MDGA2: variants seen among roughly 807,000 people sequenced by gnomAD.
MDGA2 encodes the protein MAM domain containing glycosylphosphatidylinositol anchor 2.
MDGA2 carries 40 observed loss-of-function variants against 117.8 expected under a neutral mutation model. The ratio of observed to expected loss-of-function variants is 0.34; its 90% CI spans 0.26 to 0.44. The LOEUF is 0.44. MDGA2 is among the 20% of genes least tolerant of loss of function. The pLI, the probability that MDGA2 is intolerant of heterozygous loss-of-function variation, is 1.00. For missense variants in MDGA2, 1,123 were observed against 1,250.6 expected (o/e 0.90, Z 1.54); for synonymous variants, 452 against 439.0 (o/e 1.03, Z -0.37).
At chr14:47,464,631 GA>G (rs1433360615) in intron 1 of MDGA2, among the ~76,000 whole-genome samples, 1 of 151,918 alleles carries the variant, frequency 6.6e-6, no homozygotes, top group Non-Finnish European at 1.5e-5. Flanking sequence ...CCAGGGAGGT[GA>G]AAGATCTCCA....
chr14:47,250,984 G>A (rs1204327943), intron 2 of MDGA2, among the ~76,000 whole-genome samples: 1 of 152,130 alleles, frequency 6.6e-6, no homozygotes, highest in South Asian at 2.1e-4. Context: ...TTACTGGGTT[G>A]ATCTGCTTTC....
intron 1 of MDGA2, among the ~76,000 whole-genome samples, chr14:47,621,345 C>A (rs1442693589): frequency 1.3e-5 from 2 of 151,978 alleles, no homozygotes; most frequent in Admixed American, 6.6e-5. Flanking sequence ...TCTTTTTTTA[C>A]TGTTTCTTAA....
At chr14:47,223,925 T>C (rs1021102877) in intron 2 of MDGA2, among the ~76,000 whole-genome samples, 1 of 151,900 alleles carries the variant, frequency 6.6e-6, no homozygotes, top group African/African-American at 2.4e-5. Flanking sequence ...AAAAGCCCCT[T>C]AAAAAACAAT....
At chr14:47,128,966 G>A (rs549268273) in intron 5 of MDGA2, among the ~76,000 whole-genome samples, 280 of 152,162 alleles carry the variant, frequency 1.8e-3, no homozygotes, top group South Asian at 4.6e-3. Context: ...TGGGATTACA[G>A]GAGTGAGCCA....
At chr14:47,438,572 C>T (rs1892941856) in intron 1 of MDGA2, among the ~76,000 whole-genome samples, 1 of 152,300 alleles carries the variant, frequency 6.6e-6, no homozygotes, top group Non-Finnish European at 1.5e-5. Context: ...ACTTCCCTCT[C>T]TAGCTCCATT....
At chr14:47,377,192 G>A (rs1207022603) in intron 1 of MDGA2, among the ~76,000 whole-genome samples, 1 of 152,072 alleles carries the variant, frequency 6.6e-6, no homozygotes, top group African/African-American at 2.4e-5. Context: ...ATGAAACAGA[G>A]GATTCATAAG....
At chr14:47,450,617 T>G (rs1006121814) in intron 1 of MDGA2, among the ~76,000 whole-genome samples, 5 of 152,160 alleles carry the variant, frequency 3.3e-5, no homozygotes, top group Non-Finnish European at 5.9e-5. Context: ...TCTATGAGAA[T>G]TTATGAAGAC....
At chr14:47,666,645 A>T (rs879049654) in intron 1 of MDGA2, among the ~76,000 whole-genome samples, 1 of 152,192 alleles carries the variant, frequency 6.6e-6, no homozygotes, top group South Asian at 2.1e-4. Flanking sequence ...AATCAGCAGG[A>T]TGTGGGTGGG....
At chr14:47,403,711 A>G (rs1892203251) in intron 1 of MDGA2, among the ~76,000 whole-genome samples, 1 of 152,136 alleles carries the variant, frequency 6.6e-6, no homozygotes, top group Non-Finnish European at 1.5e-5. Context: ...GCTTTCCATA[A>G]TGATGGTGTT....
intron 1 of MDGA2, among the ~76,000 whole-genome samples, chr14:47,561,157 T>TGG (rs1566515941): frequency 4.3e-5 from 3 of 69,284 alleles, no homozygotes; most frequent in Non-Finnish European, 9.0e-5. Context: ...TTTTTTGTTT[T>TGG]GTTTTGTTTT....
chr14:47,287,428 A>C (rs941690402), intron 2 of MDGA2, among the ~76,000 whole-genome samples: 1 of 152,172 alleles, frequency 6.6e-6, no homozygotes, highest in African/African-American at 2.4e-5. Context: ...AAATAGTTGA[A>C]AAATATGAAT....
At chr14:47,190,865 T>C (rs1245699205) in intron 3 of MDGA2, among the ~76,000 whole-genome samples, 1 of 152,134 alleles carries the variant, frequency 6.6e-6, no homozygotes, top group Non-Finnish European at 1.5e-5. Context: ...ATATGGAGAC[T>C]TGTATGTGCA....
intron 1 of MDGA2, among the ~76,000 whole-genome samples, chr14:47,531,605 A>G (rs2138733655): frequency 6.6e-6 from 1 of 152,112 alleles, no homozygotes; most frequent in East Asian, 1.9e-4. Flanking sequence ...AAATGAATTT[A>G]TCTCTAGGAG....
At chr14:47,612,107 T>A (rs1896858343) in intron 1 of MDGA2, among the ~76,000 whole-genome samples, 1 of 152,156 alleles carries the variant, frequency 6.6e-6, no homozygotes, top group South Asian at 2.1e-4. Context: ...TCCAAATGAA[T>A]GCTGAATCCA....
intron 3 of MDGA2, among the ~76,000 whole-genome samples, chr14:47,206,140 T>C (rs980950623): frequency 6.6e-6 from 1 of 151,998 alleles, no homozygotes; most frequent in Admixed American, 6.6e-5. Context: ...GAACTGCCAT[T>C]AAGATTATTA....
At position 47,134,090 on chromosome 14, in the gene MDGA2, T is replaced by A. The variant is rs544148987; in HGVS notation, c.793-2244A>T. On this transcript the variant is annotated intron_variant, in intron 4 of 16. Transcript: ENST00000399232. ...ACAATCGAGCTAATTAACATATACA[T>A]AACCTCACATAATTATTTTTATTCA... 7.2e-5 allele frequency among the ~76,000 whole-genome samples: 11 copies of A among 152,196 alleles called. 1 individual carries two copies. Among genetic ancestry groups the A allele is most frequent in the African/African-American group, 2.6e-4 (11 of 41,568 alleles).
intron 1 of MDGA2, among the ~76,000 whole-genome samples, chr14:47,614,789 T>C (rs115668820): frequency 6.6e-6 from 1 of 152,198 alleles, no homozygotes; most frequent in Non-Finnish European, 1.5e-5. Flanking sequence ...AAGGTACATG[T>C]TTCCAGGGCC....
intron 2 of MDGA2, among the ~76,000 whole-genome samples, chr14:47,273,246 G>A (rs1297562747): frequency 6.6e-6 from 1 of 152,054 alleles, no homozygotes; most frequent in African/African-American, 2.4e-5. Flanking sequence ...GTTACTTAAA[G>A]CCATCTTCAA....
intron 8 of MDGA2, among the ~76,000 whole-genome samples, chr14:47,023,579 A>C (rs1888370036): frequency 6.6e-6 from 1 of 152,210 alleles, no homozygotes; most frequent in Admixed American, 6.5e-5. Flanking sequence ...CCAGGTCTTT[A>C]ATTCAGAATA....
Sources: allele counts gnomAD v4.1 joint callset (sites outside exome capture counted in the v4.1 genomes callset), GRCh38; gene constraint gnomAD v4.1.1; transcripts MANE v1.5; gene names NCBI Gene and HGNC (gene_info 2026-07-23, HGNC 2026-07-21).